PLB1: variants seen among roughly 807,000 people sequenced by gnomAD.
PLB1 encodes phospholipase B1.
Under a neutral mutation model 227.4 loss-of-function variants are expected in PLB1, and 242 were observed. That is an observed-to-expected ratio of 1.06 (90% CI 0.96 to 1.18). PLB1 has a LOEUF of 1.18. PLB1 is among the 50% of genes most tolerant of loss of function. PLB1 has a pLI of 0.00. For synonymous variants in PLB1, 757 were observed against 682.2 expected, an observed-to-expected ratio of 1.11 and a Z score of -1.71; for missense variants, 1,858 against 1,816.3, an observed-to-expected ratio of 1.02 and a Z score of -0.42.
intron 31 of PLB1, 133 bp downstream of exon 31, chr2:28,591,893 T>C: frequency 1.1e-6 from 1 of 878,220 alleles, no homozygotes; most frequent in Non-Finnish European, 1.8e-6. Context: ...GCCTGGGTGG[T>C]CACCTGGGAT....
intron 8 of PLB1, among the ~76,000 whole-genome samples, chr2:28,531,854 A>G (rs1572792283): frequency 6.6e-6 from 1 of 152,194 alleles, no homozygotes; most frequent in East Asian, 1.9e-4. Context: ...TATTTGGGGA[A>G]ATGAAATAAT....
At chr2:28,563,193 C>T in intron 18 of PLB1, 94 bp downstream of exon 18, 1 of 1,297,446 alleles carries the variant, frequency 7.7e-7, no homozygotes, top group South Asian at 1.2e-5. Context: ...GGTCTCACGC[C>T]TGGCTCTTAG....
At chr2:28,600,323 T>C (rs953990092) in intron 35 of PLB1, among the ~76,000 whole-genome samples, 1 of 152,132 alleles carries the variant, frequency 6.6e-6, no homozygotes, top group Admixed American at 6.5e-5. Flanking sequence ...AAGAGAAAAA[T>C]CGCAGCCATT....
chr2:28,556,638 C>T (rs1026871066), intron 17 of PLB1, among the ~76,000 whole-genome samples: 6 of 152,052 alleles, frequency 3.9e-5, no homozygotes, highest in South Asian at 4.2e-4. Flanking sequence ...ATTTTCCCAG[C>T]GAGAAAAGGA....
At chr2:28,633,181 T>G (rs3752901) in intron 56 of PLB1, 142 bp downstream of exon 56, 1 of 641,798 alleles carries the variant, frequency 1.6e-6, no homozygotes, top group Non-Finnish European at 2.7e-6. Flanking sequence ...TTGGTCCTGA[T>G]AGATTAATTC....
chr2:28,635,675 T>C (rs1689208723), intron 56 of PLB1, among the ~76,000 whole-genome samples: 1 of 152,220 alleles, frequency 6.6e-6, no homozygotes, highest in Non-Finnish European at 1.5e-5. Flanking sequence ...CTGCCCCTCC[T>C]CTCACGTCCT....
chr2:28,529,811 G>A (rs1001612515), intron 8 of PLB1, 32 bp downstream of exon 8: 15 of 1,608,876 alleles, frequency 9.3e-6, no homozygotes, highest in African/African-American at 2.7e-5. Context: ...GCATGGCTGG[G>A]CTGCCTGGCT....
intron 12 of PLB1, among the ~76,000 whole-genome samples, chr2:28,541,173 A>T (rs1329787122): frequency 8.9e-5 from 5 of 56,094 alleles, no homozygotes; most frequent in African/African-American, 2.7e-4. Context: ...CTCCGTCTCA[A>T]AAATAAATAA....
rs576555171 is a variant in PLB1, at chr2:28,597,317, G to A, written c.2322-688G>A. 3.3e-4 allele frequency among the ~76,000 whole-genome samples: 49 copies of A among 150,202 alleles called. No individual in the cohort carries two copies. The South Asian group carries it at 4.2e-3, about 13-fold the overall frequency. ...CCTGGAATATAACATGCTGGGATTC[G>A]AAAAAGAGACACAGAAGAAAAAGAA... On this transcript the variant is annotated intron_variant, in intron 33 of 57. Transcript: ENST00000327757.
chr2:28,528,922 C>T (rs1218682759), intron 6 of PLB1, among the ~76,000 whole-genome samples: 1 of 150,440 alleles, frequency 6.6e-6, no homozygotes, highest in African/African-American at 2.5e-5. Context: ...GCAGCTCACC[C>T]TAGAGGAAGG....
At chr2:28,501,387 G>GGGA (rs1667084021) in intron 1 of PLB1, among the ~76,000 whole-genome samples, 1 of 152,140 alleles carries the variant, frequency 6.6e-6, no homozygotes, top group Non-Finnish European at 1.5e-5. Context: ...CACTCAGGGT[G>GGGA]TATAATCAAA....
At chr2:28,626,580 C>T (rs1278696108) in intron 51 of PLB1, 72 bp downstream of exon 51, 21 of 1,372,462 alleles carry the variant, frequency 1.5e-5, no homozygotes, top group Non-Finnish European at 2.2e-5. Flanking sequence ...CTTGCCCATC[C>T]ATCCCTGGCC....
chr2:28,624,679 A>G (rs1687493180), intron 49 of PLB1, among the ~76,000 whole-genome samples: 1 of 152,268 alleles, frequency 6.6e-6, no homozygotes, highest in African/African-American at 2.4e-5. Context: ...AAACTGAGGG[A>G]TAATTGAGAG....
intron 14 of PLB1, 91 bp from the exon 15 acceptor site, chr2:28,548,769 C>A: frequency 8.0e-7 from 1 of 1,248,714 alleles, no homozygotes; most frequent in Non-Finnish European, 1.2e-6. Context: ...CCTGGTACTG[C>A]TGCTGGACTA....
intron 16 of PLB1, 139 bp from the exon 17 acceptor site, chr2:28,552,789 A>C: frequency 1.5e-6 from 1 of 680,940 alleles, no homozygotes; most frequent in Non-Finnish European, 2.6e-6. Context: ...TGAGTGTTGA[A>C]GGAGAGGGAG....
At chr2:28,629,659 T>C (rs1232133841) in intron 53 of PLB1, among the ~76,000 whole-genome samples, 1 of 152,044 alleles carries the variant, frequency 6.6e-6, no homozygotes, top group East Asian at 1.9e-4. Flanking sequence ...AGATGTGAGG[T>C]CAAGAGGAAA....
chr2:28,606,712 C>A (rs1445822421), intron 43 of PLB1, 145 bp downstream of exon 43: 3 of 732,434 alleles, frequency 4.1e-6, no homozygotes, highest in Non-Finnish European at 7.1e-6. Flanking sequence ...GGAGGGGAGT[C>A]CATGAGGATG....
intron 1 of PLB1, among the ~76,000 whole-genome samples, chr2:28,496,937 A>G (rs1308382713): frequency 6.6e-6 from 1 of 152,236 alleles, no homozygotes; most frequent in Non-Finnish European, 1.5e-5. Flanking sequence ...TGGAGGAGGC[A>G]TGGGACAGAG....
intron 50 of PLB1, 43 bp downstream of exon 50, chr2:28,625,151 C>T: frequency 6.3e-7 from 1 of 1,576,626 alleles, no homozygotes; most frequent in Non-Finnish European, 8.7e-7. Context: ...GTGCCCATCT[C>T]CTGCTGGCTG....
Sources: gnomAD v4.1 joint callset for allele counts (sites outside exome capture counted in the v4.1 genomes callset) on GRCh38, gnomAD v4.1.1 for gene constraint, MANE v1.5 for transcripts, NCBI Gene and HGNC (gene_info 2026-07-23, HGNC 2026-07-21) for gene names.